Variants in PCDHA11 observed in about 807,000 individuals in gnomAD.
PCDHA11 encodes protocadherin alpha-11.
A neutral mutation model predicts 70.3 loss-of-function variants in PCDHA11; 61 were observed. The observed-to-expected ratio is 0.87, with a 90% confidence interval of 0.71 to 1.07. PCDHA11 has a LOEUF of 1.07. Ranked by LOEUF, PCDHA11 falls within the 50% of genes least tolerant of loss-of-function variation. PCDHA11 has a pLI of 0.00. For synonymous variants in PCDHA11, 633 were observed against 555.1 expected, an observed-to-expected ratio of 1.14 and a Z score of -1.97; for missense variants, 1,324 against 1,237.5, an observed-to-expected ratio of 1.07 and a Z score of -1.05.
chr5:140,969,148 G>A, intron 1 of PCDHA11: 2 of 1,614,102 alleles, frequency 1.2e-6, no homozygotes, highest in Non-Finnish European at 8.5e-7. Context: ...ACTGCTACAA[G>A]GCCTGTCTGA....
rs1263474406 is a variant in PCDHA11, at chr5:140,967,341, A to G, written c.2392-11608A>G. ...ACCTACGAGCTCAGCCCCAGCGAGCACTTCGAGCTGGACCTTAAGCCCCTG... is the reference window on the plus strand; with the variant it reads ...ACCTACGAGCTCAGCCCCAGCGAGCGCTTCGAGCTGGACCTTAAGCCCCTG... On this transcript the variant is annotated intron_variant, in intron 1 of 3. Coordinates refer to ENST00000398640, the MANE Select transcript of PCDHA11 (RefSeq NM_018902.5). 3 of 1,607,922 alleles carry G rather than the reference A, an allele frequency of 1.9e-6. No homozygotes were observed. The highest frequency in any genetic ancestry group is 1.3e-5 in the African/African-American group (1 of 74,782).
chr5:140,940,468 C>A (rs2092618066), intron 1 of PCDHA11, among the ~76,000 whole-genome samples: 1 of 151,866 alleles, frequency 6.6e-6, no homozygotes, highest in African/African-American at 2.4e-5. Flanking sequence ...CTGTTCCCTG[C>A]AATTTTTTTT....
intron 1 of PCDHA11, among the ~76,000 whole-genome samples, chr5:140,913,656 T>A (rs2076420236): frequency 6.6e-6 from 1 of 152,152 alleles, no homozygotes; most frequent in African/African-American, 2.4e-5. Context: ...TTCTTTAAGA[T>A]GTATAGTTAG....
chr5:140,963,175 T>C (rs1408160891), intron 1 of PCDHA11, among the ~76,000 whole-genome samples: 1 of 152,046 alleles, frequency 6.6e-6, no homozygotes, highest in East Asian at 1.9e-4. Context: ...ATCTTACAGA[T>C]ATGCTGTAGA....
chr5:141,005,701 C>CAAAA (rs59860837), intron 3 of PCDHA11, among the ~76,000 whole-genome samples: 118 of 7,756 alleles, frequency 0.015, 2 homozygotes, highest in East Asian at 0.044. Flanking sequence ...AACTCCGTCT[C>CAAAA]AAAAAAAAAA....
chr5:140,941,402 C>T (rs544909478), intron 1 of PCDHA11, among the ~76,000 whole-genome samples: 12 of 149,674 alleles, frequency 8.0e-5, no homozygotes, highest in African/African-American at 2.5e-4. Flanking sequence ...CTGCAACCTC[C>T]GCCTCCCGGG....
intron 1 of PCDHA11, among the ~76,000 whole-genome samples, chr5:140,906,070 C>T (rs1257687877): frequency 1.3e-5 from 2 of 152,162 alleles, no homozygotes; most frequent in South Asian, 2.1e-4. Flanking sequence ...CTGATTAGAT[C>T]GCACCCACCC....
At chr5:140,967,669 G>T (rs782398219) in intron 1 of PCDHA11, 1 of 1,614,126 alleles carries the variant, frequency 6.2e-7, no homozygotes, top group Non-Finnish European at 8.5e-7. Context: ...GCTACACGTC[G>T]GACCGGGAGA....
chr5:140,908,967 G>A (rs1039870615), intron 1 of PCDHA11, among the ~76,000 whole-genome samples: 10 of 152,076 alleles, frequency 6.6e-5, no homozygotes, highest in African/African-American at 2.4e-4. Context: ...ATCTTGATAG[G>A]CCCCACTCCA....
In PCDHA11 at chr5:140,967,411, A is replaced by T. The variant is rs142102675; in HGVS notation, c.2392-11538A>T. The T allele has an allele frequency of 4.6e-5, 74 of 1,613,220 alleles. No individual in the cohort carries two copies. The African/African-American group carries it at 9.5e-4, about 21-fold the overall frequency. On this transcript the variant is annotated intron_variant, in intron 1 of 3. Coordinates refer to ENST00000398640, the MANE Select transcript of PCDHA11 (RefSeq NM_018902.5). The stretch of plus-strand genomic sequence containing the variant: ...TTGAGCTGGTGCTGCGTAAGGGCCT[A>T]GACCGGGAGCAGGCAGCCTTGCACC...
chr5:140,883,306 C>G, intron 1 of PCDHA11: 1 of 1,614,050 alleles, frequency 6.2e-7, no homozygotes, highest in Non-Finnish European at 8.5e-7. Flanking sequence ...TAAATGATAA[C>G]GCCCCAGAGG....
intron 1 of PCDHA11, chr5:140,881,486 T>G: frequency 2.8e-6 from 1 of 355,652 alleles, no homozygotes; most frequent in African/African-American, 2.2e-5. Flanking sequence ...ATTATTGTGT[T>G]TATGCACATA....
Position 140,870,938 on chromosome 5 carries a change from C to T in PCDHA11, c.1835C>T (p.Pro612Leu). The T allele has an allele frequency of 3.1e-6, 5 of 1,613,724 alleles. No individual in the cohort carries two copies. Among genetic ancestry groups the T allele is most frequent in the East Asian group, 2.2e-5 (1 of 44,866 alleles). The stretch of plus-strand genomic sequence containing the variant: ...GCGTGGCTTTCATATGAATTGCAGC[C>T]GGCGGCGGGCGGCTCGCGCATCCCG... ...YNAWLSYELQPAAGGSRIPFR... is the reference protein window; with the variant it reads ...YNAWLSYELQLAAGGSRIPFR... The change falls in exon 1 of 4, where the codon CCG (proline) becomes CTG (leucine). Residue 612 changes from proline to leucine, a missense_variant. Pro to Leu is a moderately conservative substitution (Grantham distance 98). Coordinates refer to ENST00000398640, the MANE Select transcript of PCDHA11 (RefSeq NM_018902.5).
intron 1 of PCDHA11, among the ~76,000 whole-genome samples, chr5:140,934,505 G>C (rs155823): frequency 0.32 from 48,260 of 151,744 alleles, 8,006 homozygotes; most frequent in East Asian, 0.53. Flanking sequence ...ACACCCAAAG[G>C]GTCCATAGAC....
intron 1 of PCDHA11, chr5:140,883,849 G>A (rs2059850853): frequency 1.2e-6 from 2 of 1,612,940 alleles, no homozygotes; most frequent in East Asian, 2.2e-5. Context: ...ACCACGAGGA[G>A]CTGGAGCTGT....
chr5:140,883,297 A>G (rs782572580), intron 1 of PCDHA11: 2 of 1,614,132 alleles, frequency 1.2e-6, no homozygotes, highest in Non-Finnish European at 1.7e-6. Flanking sequence ...TACTAGATGT[A>G]AATGATAACG....
intron 1 of PCDHA11, chr5:140,882,210 CAGTTTG>C (rs1332497676): frequency 6.5e-7 from 1 of 1,533,604 alleles, no homozygotes; most frequent in African/African-American, 1.4e-5. Flanking sequence ...CCTTGAGAGA[CAGTTTG>C]AGGTAAGGCG....
At chr5:140,884,152 T>G (rs1279761986) in intron 1 of PCDHA11, 7 of 1,613,332 alleles carry the variant, frequency 4.3e-6, no homozygotes, top group East Asian at 2.2e-5. Context: ...GGCTGTACAC[T>G]GGCGAGATCA....
intron 1 of PCDHA11, among the ~76,000 whole-genome samples, chr5:140,932,231 A>G (rs2088135026): frequency 6.6e-6 from 1 of 151,848 alleles, no homozygotes; most frequent in African/African-American, 2.4e-5. Context: ...AATTTTTTAG[A>G]ATGGTATCTA....
Sources: allele counts gnomAD v4.1 joint callset (sites outside exome capture counted in the v4.1 genomes callset), GRCh38; gene constraint gnomAD v4.1.1; transcripts MANE v1.5; gene names NCBI Gene and HGNC (gene_info 2026-07-23, HGNC 2026-07-21).